The following NCALD variants were observed in gnomAD, a reference collection of about 807,000 sequenced individuals.
NCALD encodes neurocalcin delta.
NCALD carries 10 observed loss-of-function variants against 18.6 expected under a neutral mutation model. The ratio of observed to expected loss-of-function variants is 0.54; its 90% confidence interval spans 0.33 to 0.91. The LOEUF (loss-of-function observed/expected upper bound fraction) is 0.91, where lower values mean the gene tolerates loss of function less well. NCALD is among the 40% of genes least tolerant of loss of function. The pLI is 0.03. For synonymous variants in NCALD, 88 were observed against 87.4 expected, an observed-to-expected ratio of 1.01 and a Z score of -0.04; for missense variants, 184 against 247.6, an observed-to-expected ratio of 0.74 and a Z score of 1.72.
chr8:101,894,138 A>C (rs1817040580), intron 3 of NCALD, among the ~76,000 whole-genome samples: 1 of 142,494 alleles, frequency 7.0e-6, no homozygotes, highest in African/African-American at 2.9e-5. Context: ...CAAATGTAAA[A>C]GAACAGAAAT....
intron 1 of NCALD, among the ~76,000 whole-genome samples, chr8:102,090,119 G>T (rs1036678365): frequency 6.6e-6 from 1 of 152,198 alleles, no homozygotes; most frequent in African/African-American, 2.4e-5. Context: ...GGAAAGCATT[G>T]TGAAATATGA....
At chr8:101,869,990 C>T (rs1177660070) in intron 4 of NCALD, among the ~76,000 whole-genome samples, 1 of 152,172 alleles carries the variant, frequency 6.6e-6, no homozygotes, top group Non-Finnish European at 1.5e-5. Context: ...CAAATACTTA[C>T]ATGTGTTTTC....
intron 1 of NCALD, among the ~76,000 whole-genome samples, chr8:102,121,519 T>C (rs1825944122): frequency 6.6e-6 from 1 of 152,228 alleles, no homozygotes; most frequent in Non-Finnish European, 1.5e-5. Flanking sequence ...GAAATTCACA[T>C]TCTGAGGGAT....
At chr8:101,820,497 T>C (rs555022206) in intron 4 of NCALD, among the ~76,000 whole-genome samples, 1 of 152,338 alleles carries the variant, frequency 6.6e-6, no homozygotes, top group South Asian at 2.1e-4. Flanking sequence ...GACAGAGTTA[T>C]GATTTGAATT....
At chr8:101,956,253 A>G (rs1362392110) in intron 2 of NCALD, among the ~76,000 whole-genome samples, 1 of 152,224 alleles carries the variant, frequency 6.6e-6, no homozygotes, top group African/African-American at 2.4e-5. Flanking sequence ...TTCTGCAGCC[A>G]AAACACAAGA....
At chr8:101,825,237 A>T (rs117218045) in intron 4 of NCALD, among the ~76,000 whole-genome samples, 8 of 152,358 alleles carry the variant, frequency 5.3e-5, no homozygotes, top group Non-Finnish European at 1.0e-4. Context: ...AGTATACAGT[A>T]GGGATACTCC....
At chr8:102,089,410 A>G (rs890518858) in intron 1 of NCALD, among the ~76,000 whole-genome samples, 2 of 151,726 alleles carry the variant, frequency 1.3e-5, no homozygotes, top group Admixed American at 1.3e-4. Context: ...AAAAAAAAAA[A>G]GAAAGAAAAA....
intron 2 of NCALD, among the ~76,000 whole-genome samples, chr8:101,929,596 G>A (rs1180300391): frequency 2.2e-5 from 2 of 92,610 alleles, no homozygotes; most frequent in East Asian, 3.8e-4. Flanking sequence ...AAGGAGGCAG[G>A]GAGGGAGGGA....
At chr8:101,785,204 TC>T (rs1482283773) in intron 1 of NCALD, among the ~76,000 whole-genome samples, 2 of 152,200 alleles carry the variant, frequency 1.3e-5, no homozygotes, top group Non-Finnish European at 2.9e-5. Context: ...TTGAAGACTA[TC>T]CAGCTTCCTA....
intron 2 of NCALD, among the ~76,000 whole-genome samples, chr8:102,019,081 A>G (rs951859688): frequency 1.3e-5 from 2 of 152,096 alleles, no homozygotes; most frequent in Non-Finnish European, 2.9e-5. Flanking sequence ...TTTTAAAACA[A>G]CCCAATTTTT....
intron 2 of NCALD, among the ~76,000 whole-genome samples, chr8:101,988,902 GAAAAAAAAAAAA>G: frequency 1.5e-5 from 1 of 66,072 alleles, no homozygotes; most frequent in African/African-American, 6.0e-5. Context: ...GGTGCCAGCA[GAAAAAAAAAAAA>G]AAAAAAAAAA....
intron 4 of NCALD, among the ~76,000 whole-genome samples, chr8:101,880,352 C>T (rs1816437378): frequency 6.6e-6 from 1 of 152,192 alleles, no homozygotes; most frequent in Non-Finnish European, 1.5e-5. Context: ...CCCACGATCG[C>T]CAGGTGCAGC....
chr8:101,851,943 T>C (rs935098881), intron 4 of NCALD, among the ~76,000 whole-genome samples: 1 of 152,168 alleles, frequency 6.6e-6, no homozygotes, highest in African/African-American at 2.4e-5. Flanking sequence ...AATGGGATTA[T>C]TGCCCTTATA....
chr8:101,835,447 G>A (rs1462489405), intron 4 of NCALD, among the ~76,000 whole-genome samples: 1 of 152,208 alleles, frequency 6.6e-6, no homozygotes, highest in Non-Finnish European at 1.5e-5. Flanking sequence ...AGAAGCCAGG[G>A]ATGTTGCTAA....
At chr8:101,804,431 AAT>A (rs572182606) in intron 4 of NCALD, among the ~76,000 whole-genome samples, 1 of 133,006 alleles carries the variant, frequency 7.5e-6, no homozygotes, top group African/African-American at 2.9e-5. Flanking sequence ...TTATAACTGT[AAT>A]ATATAATTGA....
At chr8:101,914,468 T>A (rs1242722148) in intron 3 of NCALD, among the ~76,000 whole-genome samples, 1 of 152,210 alleles carries the variant, frequency 6.6e-6, no homozygotes, top group South Asian at 2.1e-4. Flanking sequence ...TTCCCCTCCC[T>A]TTCTTTACTA....
intron 1 of NCALD, among the ~76,000 whole-genome samples, chr8:101,783,485 C>G (rs976760932): frequency 2.6e-5 from 4 of 152,166 alleles, no homozygotes; most frequent in African/African-American, 9.7e-5. Flanking sequence ...AGCTTTACTA[C>G]AAACCAGTAG....
At chr8:101,741,933 T>A in intron 1 of NCALD, among the ~76,000 whole-genome samples, 2 of 38,652 alleles carry the variant, frequency 5.2e-5, no homozygotes, top group African/African-American at 9.9e-5. Flanking sequence ...CGAAAGCCTG[T>A]CTCAAAAAAA....
At position 101,689,464 on chromosome 8, in the gene NCALD, C is replaced by G; in HGVS notation, c.485-58G>C. On this transcript the variant is annotated intron_variant, in intron 3 of 3. Transcript: ENST00000220931. The surrounding 1 kb of genome is among the most constrained non-coding windows in gnomAD (Gnocchi z 4.4). ...GGTGGCAGCTGCATGAGCTTACACC[C>G]TTCCCACTACTGCGTGCTGGGCAGT... 1 of 1,318,544 alleles carries G rather than the reference C, an allele frequency of 7.6e-7. No individual in the cohort carries two copies. The highest frequency in any genetic ancestry group is 1.1e-6 in the Non-Finnish European group (1 of 936,084). 81.7% of individuals were successfully genotyped at this position (1,318,544 alleles called of 1,614,324 possible).
Sources: gnomAD v4.1 joint callset for allele counts (sites outside exome capture counted in the v4.1 genomes callset) on GRCh38, gnomAD v4.1.1 for gene constraint, Gnocchi (gnomAD v3.1) non-coding constraint, MANE v1.5 for transcripts, NCBI Gene and HGNC (gene_info 2026-07-23, HGNC 2026-07-21) for gene names.